CDKAL1: variants seen among roughly 807,000 people sequenced by gnomAD.
CDKAL1 encodes the protein CDKAL1 threonylcarbamoyladenosine tRNA methylthiotransferase.
A neutral mutation model predicts 68.2 loss-of-function variants in CDKAL1; 32 were observed. That is an observed-to-expected ratio of 0.47 (90% CI 0.35 to 0.63). CDKAL1 has a LOEUF of 0.63. Among genes scored for constraint, CDKAL1 ranks in the 30% least tolerant of loss-of-function variants. The pLI, the probability that CDKAL1 is intolerant of heterozygous loss-of-function variation, is 0.00. For synonymous variants in CDKAL1, 234 were observed against 244.3 expected (o/e 0.96, Z 0.39); for missense variants, 606 against 696.7 (o/e 0.87, Z 1.47).
rs146421036 is a variant in CDKAL1, at chr6:21,201,222, C to T, written c.1496C>T (p.Thr499Met). The T allele has an allele frequency of 4.3e-6, 7 of 1,613,026 alleles. No individual in the cohort carries two copies. In the Admixed American group the frequency reaches 5.0e-5, roughly 12 times the overall value. ...GQPVSDAKVY[T>M]PSISKPLAKG... is the part of the protein sequence containing the mutation. ...CCAGTATCTGATGCCAAAGTGTACA[C>T]GCCCTCCATCAGCAAACCGCTAGCA... Residue 499 changes from threonine to methionine, a missense_variant, in exon 15 of 16, where the codon ACG (threonine) becomes ATG (methionine). Thr to Met is a moderately conservative substitution (Grantham distance 81). Coordinates refer to ENST00000274695, the MANE Select transcript of CDKAL1 (RefSeq NM_017774.3).
intron 7 of CDKAL1, among the ~76,000 whole-genome samples, chr6:20,778,329 G>A (rs190983621): frequency 9.9e-4 from 150 of 152,252 alleles, no homozygotes; most frequent in Middle Eastern, 6.8e-3. Context: ...GCACACCATT[G>A]TGAAAGTGAA....
chr6:20,737,322 G>A (rs940949544), intron 5 of CDKAL1, among the ~76,000 whole-genome samples: 12 of 152,168 alleles, frequency 7.9e-5, no homozygotes, highest in Admixed American at 2.0e-4. Context: ...TGTTTTTAAC[G>A]TTCTTTTATA....
At chr6:21,036,457 T>C (rs982418488) in intron 11 of CDKAL1, among the ~76,000 whole-genome samples, 2 of 152,174 alleles carry the variant, frequency 1.3e-5, no homozygotes, top group East Asian at 3.8e-4. Context: ...GACAAAAATT[T>C]GTAGAAGCGA....
intron 4 of CDKAL1, among the ~76,000 whole-genome samples, chr6:20,589,380 G>A (rs1426841299): frequency 6.6e-6 from 1 of 152,288 alleles, no homozygotes; most frequent in East Asian, 1.9e-4. Context: ...CACGTTCTGA[G>A]AAGAAAGTGT....
chr6:20,542,974 C>T (rs1190086706), intron 2 of CDKAL1, among the ~76,000 whole-genome samples: 2 of 152,190 alleles, frequency 1.3e-5, no homozygotes, highest in East Asian at 3.8e-4. Context: ...GGAGAGTCAT[C>T]CAGGTTGATG....
intron 5 of CDKAL1, among the ~76,000 whole-genome samples, chr6:20,699,115 T>G (rs999403582): frequency 4.6e-5 from 7 of 152,152 alleles, no homozygotes; most frequent in African/African-American, 1.7e-4. Flanking sequence ...GCATTAGGAT[T>G]TATGTTTTTC....
intron 4 of CDKAL1, among the ~76,000 whole-genome samples, chr6:20,634,405 A>G (rs1767805832): frequency 6.6e-6 from 1 of 152,200 alleles, no homozygotes; most frequent in Non-Finnish European, 1.5e-5. Context: ...TATGTATCTT[A>G]TTGACCCAGT....
chr6:21,118,142 A>G (rs1169510396), intron 13 of CDKAL1, among the ~76,000 whole-genome samples: 1 of 152,194 alleles, frequency 6.6e-6, no homozygotes, highest in Non-Finnish European at 1.5e-5. Context: ...TTTCTCCGTG[A>G]TACATTTTAT....
At chr6:21,044,903 G>T (rs1291915493) in intron 11 of CDKAL1, among the ~76,000 whole-genome samples, 1 of 152,162 alleles carries the variant, frequency 6.6e-6, no homozygotes, top group Non-Finnish European at 1.5e-5. Context: ...TATGATCAAG[G>T]CACCAGCAGG....
rs185852922 is a variant in CDKAL1 at position 20,982,941 on chromosome 6, A to G, written c.910-17286A>G. ...GAACTTTTTCTTCATCTCTCTTTAC[A>G]TGCTAAAGGAGCTGTCTGATCCTAT... On this transcript the variant is annotated intron_variant, in intron 10 of 15. Transcript: ENST00000274695. Among the ~76,000 whole-genome samples the G allele has an allele frequency of 6.6e-5, 10 of 152,334 alleles. No individual in the cohort carries two copies. In the East Asian group the frequency reaches 1.9e-3, roughly 29 times the overall value.
At chr6:20,842,284 T>G (rs1257935310) in intron 8 of CDKAL1, among the ~76,000 whole-genome samples, 1 of 152,226 alleles carries the variant, frequency 6.6e-6, no homozygotes, top group Non-Finnish European at 1.5e-5. Context: ...AAATCTCTTC[T>G]TTTTAAAGCT....
intron 5 of CDKAL1, among the ~76,000 whole-genome samples, chr6:20,702,672 G>A (rs1000323793): frequency 2.0e-5 from 3 of 152,164 alleles, no homozygotes; most frequent in African/African-American, 7.2e-5. Context: ...TTTCTTCGCC[G>A]ATGTGTTCCT....
At chr6:20,824,309 C>T (rs532323923) in intron 8 of CDKAL1, among the ~76,000 whole-genome samples, 9 of 152,136 alleles carry the variant, frequency 5.9e-5, no homozygotes, top group East Asian at 1.9e-4. Context: ...TGTATAACTG[C>T]GAACGTTGCT....
At chr6:20,913,116 TACACACACACACACACACACACACAC>T (rs70990080) in intron 9 of CDKAL1, among the ~76,000 whole-genome samples, 1 of 136,462 alleles carries the variant, frequency 7.3e-6, no homozygotes. Flanking sequence ...CACAGTTGTT[TACACACACACACACACACACACACAC>T]ACACACACAC....
intron 9 of CDKAL1, among the ~76,000 whole-genome samples, chr6:20,874,175 T>C (rs1219529178): frequency 6.6e-6 from 1 of 152,128 alleles, no homozygotes; most frequent in Admixed American, 6.5e-5. Flanking sequence ...CCCTCAACCA[T>C]GGAAACAATG....
At chr6:21,190,662 C>T (rs867029163) in intron 13 of CDKAL1, among the ~76,000 whole-genome samples, 3 of 152,156 alleles carry the variant, frequency 2.0e-5, no homozygotes, top group African/African-American at 4.8e-5. Context: ...CCGCTGCGCC[C>T]GGGCTGATAT....
intron 10 of CDKAL1, among the ~76,000 whole-genome samples, chr6:20,982,867 C>T (rs565113650): frequency 1.3e-5 from 2 of 152,136 alleles, no homozygotes; most frequent in East Asian, 3.9e-4. Flanking sequence ...AAAAAAACAA[C>T]ATTTTTTAGA....
intron 8 of CDKAL1, among the ~76,000 whole-genome samples, chr6:20,813,488 A>G (rs764475992): frequency 1.3e-4 from 20 of 152,320 alleles, no homozygotes; most frequent in Middle Eastern, 3.4e-3. Flanking sequence ...ATTTTCAAGT[A>G]TAACTTGTAC....
chr6:20,763,417 A>G (rs1774555435), intron 7 of CDKAL1, among the ~76,000 whole-genome samples: 1 of 152,106 alleles, frequency 6.6e-6, no homozygotes, highest in South Asian at 2.1e-4. Context: ...ATTTTAGTAA[A>G]TCGTTCCTTT....
Sources: gnomAD v4.1 joint callset for allele counts (sites outside exome capture counted in the v4.1 genomes callset) on GRCh38, gnomAD v4.1.1 for gene constraint, MANE v1.5 for transcripts, NCBI Gene and HGNC (gene_info 2026-07-23, HGNC 2026-07-21) for gene names.